Variants in TNIK observed in about 807,000 individuals in gnomAD.
The protein encoded by TNIK is TRAF2 and NCK-interacting protein kinase.
A neutral mutation model predicts 191.3 loss-of-function variants in TNIK; 49 were observed. The observed-to-expected ratio is 0.26, with a 90% CI of 0.20 to 0.32. TNIK has a LOEUF of 0.32. TNIK is among the 10% of genes least tolerant of loss of function. TNIK has a pLI of 1.00. For missense variants in TNIK, 1,155 were observed against 1,702.3 expected, an observed-to-expected ratio of 0.68 and a Z score of 5.66; for synonymous variants, 594 against 600.9, an observed-to-expected ratio of 0.99 and a Z score of 0.17.
intron 28 of TNIK, among the ~76,000 whole-genome samples, chr3:171,071,975 G>A (rs1262837635): frequency 2.6e-5 from 4 of 152,106 alleles, no homozygotes; most frequent in Non-Finnish European, 4.4e-5. Flanking sequence ...CAATGCTTTT[G>A]CCTACACAAA....
chr3:171,132,352 C>A (rs1729426598), intron 15 of TNIK, among the ~76,000 whole-genome samples: 1 of 152,074 alleles, frequency 6.6e-6, no homozygotes, highest in Admixed American at 6.5e-5. Context: ...AAGTTTGGAT[C>A]ACCTCTGCAA....
At chr3:171,133,897 AC>A (rs1436995456) in intron 15 of TNIK, among the ~76,000 whole-genome samples, 1 of 152,234 alleles carries the variant, frequency 6.6e-6, no homozygotes, top group African/African-American at 2.4e-5. Context: ...ATGTTTGCAA[AC>A]AAACACTCCA....
chr3:171,136,380 G>T (rs1347132612), intron 15 of TNIK, among the ~76,000 whole-genome samples: 1 of 152,174 alleles, frequency 6.6e-6, no homozygotes, highest in Non-Finnish European at 1.5e-5. Flanking sequence ...ACAACTCGGG[G>T]CTTGTCACTT....
chr3:171,316,967 TTATATGA>T (rs1289291905), intron 2 of TNIK, among the ~76,000 whole-genome samples: 17 of 138,586 alleles, frequency 1.2e-4, no homozygotes, highest in African/African-American at 1.6e-4. Flanking sequence ...AAATATATAA[TTATATGA>T]TATATATCAT....
Position 171,190,823 on chromosome 3 carries a change from A to G in TNIK, c.418-36T>C, listed in dbSNP as rs1737977358. 4 of 1,481,270 alleles carry G rather than the reference A, an allele frequency of 2.7e-6. No individual in the cohort carries two copies. In the East Asian group the frequency reaches 9.5e-5, roughly 35 times the overall value. 91.8% of individuals were successfully genotyped at this position (1,481,270 alleles called of 1,614,324 possible). On this transcript the variant is annotated intron_variant, in intron 5 of 32. Transcript: ENST00000436636. ...GGAGAGTTAAGAAGGGTTAATAGGA[A>G]CATAAGCCAAGATGCCAATAAATTA...
At chr3:171,082,029 G>A (rs1720759882) in intron 27 of TNIK, among the ~76,000 whole-genome samples, 1 of 152,172 alleles carries the variant, frequency 6.6e-6, no homozygotes, top group African/African-American at 2.4e-5. Context: ...TTTGTGGTAT[G>A]TCTCTGCCTA....
chr3:171,248,284 G>A lies in TNIK; in HGVS notation c.124-20063C>T, dbSNP rs138874910. On this transcript the variant is annotated intron_variant, in intron 2 of 32. Transcript: ENST00000436636. Reference sequence around the variant, plus strand: ...AGGAGAGGAGAGTGGTGGAGATTGGGAGCAACTATTCCAGGGAAAACAGGA... The same window carrying A: ...AGGAGAGGAGAGTGGTGGAGATTGGAAGCAACTATTCCAGGGAAAACAGGA... Among the ~76,000 whole-genome samples, 153 of 152,282 alleles carry A rather than the reference G, an allele frequency of 1.0e-3. 1 individual carries two copies. Among genetic ancestry groups the A allele is most frequent in the African/African-American group, 3.4e-3 (142 of 41,552 alleles).
intron 2 of TNIK, among the ~76,000 whole-genome samples, chr3:171,360,591 C>T (rs1714825600): frequency 6.6e-6 from 1 of 152,210 alleles, no homozygotes; most frequent in Non-Finnish European, 1.5e-5. Context: ...AAGGCCAAGA[C>T]TCAAGGCCAG....
intron 30 of TNIK, among the ~76,000 whole-genome samples, 184 bp downstream of exon 30, chr3:171,068,664 C>A (rs1209139926): frequency 6.6e-6 from 1 of 152,136 alleles, no homozygotes; most frequent in East Asian, 1.9e-4. Flanking sequence ...TTTAGGAAGT[C>A]ATAAAAATTA....
intron 15 of TNIK, among the ~76,000 whole-genome samples, chr3:171,129,837 A>G (rs761802309): frequency 6.6e-5 from 10 of 152,226 alleles, no homozygotes; most frequent in Non-Finnish European, 4.4e-5. Context: ...AGAAACTTAG[A>G]TAAACAAGGT....
At position 171,138,220 on chromosome 3, in the gene TNIK, G is replaced by A. The variant is rs1187196566; in HGVS notation, c.1579C>T (p.Pro527Ser). The part of the protein sequence containing the change: ...PLYHYKEGMS[P>S]SEKPAWAKEV... ...TTGGCCCATGCTGGCTTCTCACTAG[G>A]ACTCATTCCTTCTTTGTAATGGTAC... Residue 527 changes from proline (P) to serine (S), a missense_variant, in exon 15 of 33, where the codon CCT becomes TCT. By Grantham distance (74) the Pro-to-Ser change is moderately conservative. Coordinates refer to ENST00000436636, the MANE Select transcript of TNIK (RefSeq NM_015028.4). The A allele has an allele frequency of 6.2e-7, 1 of 1,611,442 alleles. No individual in the cohort carries two copies. The highest frequency in any genetic ancestry group is 8.5e-7 in the Non-Finnish European group (1 of 1,179,240).
chr3:171,346,691 G>A (rs1375445797), intron 2 of TNIK, among the ~76,000 whole-genome samples: 1 of 150,008 alleles, frequency 6.7e-6, no homozygotes, highest in Non-Finnish European at 1.5e-5. Context: ...TTGTGAGAAA[G>A]TGACATGGAG....
chr3:171,121,969 A>G (rs1727811055), intron 18 of TNIK, among the ~76,000 whole-genome samples: 2 of 152,110 alleles, frequency 1.3e-5, no homozygotes, highest in Admixed American at 1.3e-4. Context: ...AAATAGAAAA[A>G]TGTTAGCTGT....
intron 4 of TNIK, among the ~76,000 whole-genome samples, chr3:171,207,546 A>G (rs1481276438): frequency 6.6e-6 from 1 of 151,968 alleles, no homozygotes; most frequent in African/African-American, 2.4e-5. Context: ...CAACTGGGAG[A>G]AAAAAAGTCA....
intron 1 of TNIK, among the ~76,000 whole-genome samples, chr3:171,402,438 T>C (rs1721066667): frequency 6.6e-6 from 1 of 152,220 alleles, no homozygotes; most frequent in Non-Finnish European, 1.5e-5. Context: ...CAATGCTAGT[T>C]GTGGGTCTCG....
At chr3:171,083,453 G>C (rs951610437) in intron 26 of TNIK, among the ~76,000 whole-genome samples, 1 of 152,086 alleles carries the variant, frequency 6.6e-6, no homozygotes, top group Non-Finnish European at 1.5e-5. Context: ...GGGTACACAG[G>C]GGACATGTCC....
chr3:171,386,467 G>A (rs1718750544), intron 1 of TNIK, among the ~76,000 whole-genome samples: 9 of 131,708 alleles, frequency 6.8e-5, no homozygotes. Flanking sequence ...GTTTGCAGTG[G>A]AGGTTTCTCA....
chr3:171,121,468 T>C (rs1039285935), intron 18 of TNIK, among the ~76,000 whole-genome samples: 2 of 152,196 alleles, frequency 1.3e-5, no homozygotes, highest in African/African-American at 4.8e-5. Context: ...TACTAGTGCA[T>C]TGGAGCTTTC....
intron 1 of TNIK, among the ~76,000 whole-genome samples, chr3:171,442,075 A>C (rs1726884101): frequency 1.3e-5 from 2 of 152,224 alleles, no homozygotes; most frequent in African/African-American, 4.8e-5. Flanking sequence ...AAGGGGAGTT[A>C]TTAAGGAACC....
Sources: gnomAD v4.1 joint callset for allele counts (sites outside exome capture counted in the v4.1 genomes callset) on GRCh38, gnomAD v4.1.1 for gene constraint, MANE v1.5 for transcripts, NCBI Gene and HGNC (gene_info 2026-07-23, HGNC 2026-07-21) for gene names.